The following ENOX1 variants were observed in gnomAD, a reference collection of about 807,000 sequenced individuals.
ENOX1 encodes the protein ecto-NOX disulfide-thiol exchanger 1.
In ENOX1, 42 loss-of-function variants were observed where a neutral mutation model predicts 82.5. That is an observed-to-expected ratio of 0.51 (90% CI 0.40 to 0.66). The LOEUF (loss-of-function observed/expected upper bound fraction) is 0.66, where lower values mean the gene tolerates loss of function less well. Among genes scored for constraint, ENOX1 ranks in the 30% least tolerant of loss-of-function variants. The pLI, the probability that ENOX1 is intolerant of heterozygous loss-of-function variation, is 0.00. For synonymous variants in ENOX1, 271 were observed against 282.2 expected (o/e 0.96, Z 0.40); for missense variants, 608 against 811.6 (o/e 0.75, Z 3.05).
intron 2 of ENOX1, among the ~76,000 whole-genome samples, chr13:43,549,297 C>T (rs1478183888): frequency 6.6e-6 from 1 of 152,180 alleles, no homozygotes; most frequent in African/African-American, 2.4e-5. Flanking sequence ...CCTTTAATGT[C>T]TCTATCTTGT....
intron 14 of ENOX1, among the ~76,000 whole-genome samples, chr13:43,252,034 C>T (rs546626966): frequency 6.6e-6 from 1 of 152,256 alleles, no homozygotes; most frequent in South Asian, 2.1e-4. Context: ...ATACTGTTCC[C>T]ATAGTTTCAA....
At chr13:43,760,659 T>C (rs1950913330) in intron 1 of ENOX1, among the ~76,000 whole-genome samples, 1 of 152,116 alleles carries the variant, frequency 6.6e-6, no homozygotes, top group Non-Finnish European at 1.5e-5. Flanking sequence ...TTCTTCTCCT[T>C]GCATTTTATA....
intron 8 of ENOX1, among the ~76,000 whole-genome samples, chr13:43,349,133 A>G (rs1488618704): frequency 6.6e-6 from 1 of 152,204 alleles, no homozygotes; most frequent in Non-Finnish European, 1.5e-5. Context: ...TTGATAATAA[A>G]CATTTAAATT....
intron 2 of ENOX1, among the ~76,000 whole-genome samples, chr13:43,522,560 T>G (rs1433317646): frequency 2.0e-5 from 3 of 152,124 alleles, no homozygotes; most frequent in African/African-American, 7.2e-5. Context: ...CGCAACGCCT[T>G]GTCTGGCACA....
chr13:43,524,536 C>T (rs947781832), intron 2 of ENOX1, among the ~76,000 whole-genome samples: 64 of 152,262 alleles, frequency 4.2e-4, no homozygotes, highest in African/African-American at 1.4e-3. Context: ...GGCTTGCTCT[C>T]TGCTCCCATC....
At chr13:43,612,257 G>A (rs1386476505) in intron 2 of ENOX1, among the ~76,000 whole-genome samples, 1 of 152,150 alleles carries the variant, frequency 6.6e-6, no homozygotes, top group Non-Finnish European at 1.5e-5. Flanking sequence ...AGAGCCAACA[G>A]AGTAGATCTC....
chr13:43,633,507 A>T (rs2083296968), intron 2 of ENOX1, among the ~76,000 whole-genome samples: 1 of 152,146 alleles, frequency 6.6e-6, no homozygotes, highest in Non-Finnish European at 1.5e-5. Flanking sequence ...CGTGTAGGGG[A>T]ATGATAAAAG....
chr13:43,581,552 A>G (rs992493555), intron 2 of ENOX1, among the ~76,000 whole-genome samples: 1 of 152,252 alleles, frequency 6.6e-6, no homozygotes, highest in African/African-American at 2.4e-5. Flanking sequence ...AAAAAGCTTA[A>G]GTCTTAGCAC....
At chr13:43,444,356 G>A (rs2056514276) in intron 3 of ENOX1, among the ~76,000 whole-genome samples, 1 of 152,218 alleles carries the variant, frequency 6.6e-6, no homozygotes, top group South Asian at 2.1e-4. Flanking sequence ...ACTGGTGTGA[G>A]TGGAGGTGAA....
In ENOX1 at chr13:43,470,410, A is replaced by G. The variant is rs1458999317; in HGVS notation, c.-75+13599T>C. Among the ~76,000 whole-genome samples the G allele has an allele frequency of 7.6e-4, 101 of 132,136 alleles. 9 individuals are homozygous for G. Among genetic ancestry groups the G allele is most frequent in the African/African-American group, 2.6e-3 (94 of 35,548 alleles). 86.7% of individuals were successfully genotyped at this position (132,136 alleles called of 152,430 possible). On this transcript the variant is annotated intron_variant, in intron 3 of 16. Transcript: ENST00000690772. Reference sequence around the variant, plus strand: ...TACGTATATATATGTGTATATATATATATATATAACAGAGATAACCTTGTT... The same window carrying G: ...TACGTATATATATGTGTATATATATGTATATATAACAGAGATAACCTTGTT...
At chr13:43,719,469 C>T (rs1031252145) in intron 1 of ENOX1, among the ~76,000 whole-genome samples, 1 of 151,996 alleles carries the variant, frequency 6.6e-6, no homozygotes, top group African/African-American at 2.4e-5. Context: ...ATTCAGGCTC[C>T]CCCTGAATCA....
intron 2 of ENOX1, among the ~76,000 whole-genome samples, chr13:43,632,991 A>G (rs1594191453): frequency 6.6e-6 from 1 of 152,028 alleles, no homozygotes; most frequent in African/African-American, 2.4e-5. Flanking sequence ...GCTATCATTT[A>G]CTTTTTCTTT....
At chr13:43,624,540 A>G (rs1000459966) in intron 2 of ENOX1, among the ~76,000 whole-genome samples, 1 of 152,102 alleles carries the variant, frequency 6.6e-6, no homozygotes, top group Non-Finnish European at 1.5e-5. Flanking sequence ...ATTCACATTA[A>G]GTCCATAATC....
intron 11 of ENOX1, among the ~76,000 whole-genome samples, chr13:43,301,709 T>C (rs547897850): frequency 1.8e-4 from 27 of 152,236 alleles, no homozygotes; most frequent in African/African-American, 6.5e-4. Context: ...TTTTCGTTAC[T>C]CATGTGGCAG....
At chr13:43,630,024 T>C (rs1045063576) in intron 2 of ENOX1, among the ~76,000 whole-genome samples, 4 of 152,196 alleles carry the variant, frequency 2.6e-5, no homozygotes, top group South Asian at 4.1e-4. Context: ...TTCTATTTTA[T>C]TCTAAATCAG....
chr13:43,351,992 A>C (rs186022123), intron 8 of ENOX1, among the ~76,000 whole-genome samples: 1 of 152,346 alleles, frequency 6.6e-6, no homozygotes, highest in East Asian at 1.9e-4. Flanking sequence ...TCTATGAAGG[A>C]AGCCTGGCTT....
intron 1 of ENOX1, among the ~76,000 whole-genome samples, chr13:43,732,886 G>T (rs1424045695): frequency 6.6e-6 from 1 of 152,176 alleles, no homozygotes; most frequent in Non-Finnish European, 1.5e-5. Flanking sequence ...AGACTGCTCT[G>T]AATATGGCAA....
At chr13:43,572,663 T>C (rs2080235901) in intron 2 of ENOX1, among the ~76,000 whole-genome samples, 1 of 152,238 alleles carries the variant, frequency 6.6e-6, no homozygotes, top group African/African-American at 2.4e-5. Flanking sequence ...CTTCTGCCTT[T>C]TCAGACACAC....
intron 1 of ENOX1, among the ~76,000 whole-genome samples, chr13:43,743,014 T>A (rs1368854279): frequency 6.6e-6 from 1 of 152,194 alleles, no homozygotes; most frequent in African/African-American, 2.4e-5. Flanking sequence ...GGCACATAGA[T>A]GGCACTAGTT....
Sources: allele counts gnomAD v4.1 joint callset (sites outside exome capture counted in the v4.1 genomes callset), GRCh38; gene constraint gnomAD v4.1.1; transcripts MANE v1.5; gene names NCBI Gene and HGNC (gene_info 2026-07-23, HGNC 2026-07-21).